The following HYDIN variants were observed in gnomAD, a reference collection of about 807,000 sequenced individuals.
HYDIN encodes axonemal central pair apparatus protein HYDIN.
A neutral mutation model predicts 403.9 loss-of-function variants in HYDIN; 132 were observed. That is an observed-to-expected ratio of 0.33 (90% CI 0.28 to 0.38). The LOEUF (loss-of-function observed/expected upper bound fraction) is 0.38. Among genes scored for constraint, HYDIN ranks in the 10% least tolerant of loss-of-function variants. The probability of loss-of-function intolerance (pLI) is 1.00; values close to 1 mark genes in which losing one functional copy is unlikely to be tolerated. For missense variants in HYDIN, 2,827 were observed against 5,009.5 expected (o/e 0.56, Z 13.15); for synonymous variants, 1,202 against 1,891.7 (o/e 0.64, Z 9.46).
At chr16:71,230,414 C>T in intron 1 of HYDIN, 148 bp downstream of exon 1, 5 of 924,364 alleles carry the variant, frequency 5.4e-6, no homozygotes, top group Non-Finnish European at 7.7e-6. Context: ...TGAGAAGTGG[C>T]TAGGGAAGGC....
chr16:71,010,922 C>A (rs2080060184), intron 23 of HYDIN, among the ~76,000 whole-genome samples: 1 of 152,236 alleles, frequency 6.6e-6, no homozygotes, highest in Non-Finnish European at 1.5e-5. Flanking sequence ...CTGGCCCTGG[C>A]CCCCTTAAGC....
chr16:71,055,014 T>C (rs1301728154), intron 18 of HYDIN, among the ~76,000 whole-genome samples: 7 of 152,308 alleles, frequency 4.6e-5, no homozygotes, highest in Non-Finnish European at 1.0e-4. Context: ...AGTCATTTTC[T>C]GTACTTCAGA....
chr16:71,197,746 CTTTG>C (rs555160696), intron 1 of HYDIN, among the ~76,000 whole-genome samples: 1,683 of 151,910 alleles, frequency 0.011, 32 homozygotes, highest in African/African-American at 0.038. Flanking sequence ...ATTTGATTCT[CTTTG>C]TTTGTTTGTT....
At chr16:71,215,822 A>C (rs1198744724) in intron 1 of HYDIN, among the ~76,000 whole-genome samples, 5 of 152,204 alleles carry the variant, frequency 3.3e-5, no homozygotes, top group Non-Finnish European at 5.9e-5. Flanking sequence ...AAAAAGCAAA[A>C]GAACAGGCTG....
intron 65 of HYDIN, among the ~76,000 whole-genome samples, chr16:70,871,593 C>G (rs2040105370): frequency 6.6e-6 from 1 of 151,806 alleles, no homozygotes; most frequent in African/African-American, 2.4e-5. Context: ...CAAAGAGAAC[C>G]AGGAATATTT....
intron 46 of HYDIN, 29 bp downstream of exon 46, chr16:70,920,562 A>G (rs2076961822): frequency 6.4e-7 from 1 of 1,554,158 alleles, no homozygotes; most frequent in African/African-American, 1.4e-5. Context: ...CTGACTTGAG[A>G]CTTCCCCACC....
intron 84 of HYDIN, among the ~76,000 whole-genome samples, chr16:70,817,650 C>T (rs1284605162): frequency 6.6e-6 from 1 of 152,262 alleles, no homozygotes; most frequent in Non-Finnish European, 1.5e-5. Flanking sequence ...TTTTCTTGTG[C>T]TCCTTCCTGA....
At chr16:71,130,784 G>A (rs1361364838) in intron 8 of HYDIN, among the ~76,000 whole-genome samples, 4 of 150,768 alleles carry the variant, frequency 2.7e-5, no homozygotes, top group African/African-American at 7.5e-5. Context: ...CACCGCGCCC[G>A]GCCTATATAC....
chr16:70,979,310 T>G (rs904506081), intron 29 of HYDIN, among the ~76,000 whole-genome samples: 14 of 149,428 alleles, frequency 9.4e-5, no homozygotes, highest in Non-Finnish European at 1.6e-4. Flanking sequence ...TTAGTTACAT[T>G]TGAAGACACT....
At chr16:71,054,057 A>T (rs144610434) in intron 18 of HYDIN, among the ~76,000 whole-genome samples, 113 of 152,368 alleles carry the variant, frequency 7.4e-4, no homozygotes, top group South Asian at 1.5e-3. Context: ...CTGAATGAGG[A>T]CACCGCAAAC....
In HYDIN at chr16:70,989,040, CACACATGT is replaced by C. The variant is rs1226225619; in HGVS notation, c.3865-536_3865-529del. ...TTCTGTATTCTTGAGTTTATATGTACACACATGTACATATATATGTACATATATATTTT... is the reference window on the plus strand; with the variant it reads ...TTCTGTATTCTTGAGTTTATATGTACACATATATATGTACATATATATTTT... On this transcript the variant is annotated intron_variant, in intron 25 of 85. Coordinates refer to ENST00000393567, the MANE Select transcript of HYDIN (RefSeq NM_001270974.2). Among the ~76,000 whole-genome samples the C allele has an allele frequency of 4.2e-4, 64 of 152,166 alleles. 5 individuals are homozygous for C. In the South Asian group the frequency reaches 0.013, roughly 32 times the overall value.
At chr16:71,046,353 C>CT (rs1267472676) in intron 18 of HYDIN, among the ~76,000 whole-genome samples, 1 of 152,066 alleles carries the variant, frequency 6.6e-6, no homozygotes, top group East Asian at 1.9e-4. Flanking sequence ...TATCTCAGTA[C>CT]TCATACACTG....
At chr16:70,980,746 C>G (rs1054052166) in intron 29 of HYDIN, among the ~76,000 whole-genome samples, 10 of 151,684 alleles carry the variant, frequency 6.6e-5, no homozygotes, top group African/African-American at 2.4e-4. Context: ...TGAGAGGTTT[C>G]CCTGATCCAT....
At chr16:70,940,437 T>C (rs551793444) in intron 43 of HYDIN, among the ~76,000 whole-genome samples, 5 of 151,908 alleles carry the variant, frequency 3.3e-5, no homozygotes, top group Admixed American at 6.6e-5. Context: ...CCCCAGTGCC[T>C]GGCATGTTCA....
intron 10 of HYDIN, among the ~76,000 whole-genome samples, chr16:71,102,291 A>G (rs1286124330): frequency 2.6e-5 from 4 of 152,090 alleles, no homozygotes; most frequent in Non-Finnish European, 5.9e-5. Flanking sequence ...TGTTTATCTT[A>G]CTATTATTCC....
At chr16:71,210,347 T>C (rs1185428839) in intron 1 of HYDIN, among the ~76,000 whole-genome samples, 2 of 152,246 alleles carry the variant, frequency 1.3e-5, no homozygotes, top group Non-Finnish European at 2.9e-5. Context: ...AATGAGATCA[T>C]GTCCTTTGCA....
chr16:70,906,541 C>A (rs982439961), intron 50 of HYDIN, among the ~76,000 whole-genome samples: 1 of 152,088 alleles, frequency 6.6e-6, no homozygotes, highest in Non-Finnish European at 1.5e-5. Flanking sequence ...ATTGATGGCC[C>A]TTCCCATCTC....
intron 75 of HYDIN, among the ~76,000 whole-genome samples, chr16:70,846,613 CGTT>C (rs2038221724): frequency 9.4e-6 from 1 of 105,938 alleles, no homozygotes; most frequent in South Asian, 4.1e-4. Flanking sequence ...CTTTCTGTCT[CGTT>C]GATCTGTCTA....
At chr16:71,073,942 A>C (rs1238635488) in intron 13 of HYDIN, among the ~76,000 whole-genome samples, 1 of 152,234 alleles carries the variant, frequency 6.6e-6, no homozygotes, top group Non-Finnish European at 1.5e-5. Context: ...AGCCATAGAA[A>C]TTTTAGAAAC....
Sources: allele counts gnomAD v4.1 joint callset (sites outside exome capture counted in the v4.1 genomes callset), GRCh38; gene constraint gnomAD v4.1.1; transcripts MANE v1.5; gene names NCBI Gene and HGNC (gene_info 2026-07-23, HGNC 2026-07-21).